The following LUC7L variants were observed in gnomAD, a reference collection of about 807,000 sequenced individuals.
The protein encoded by LUC7L is putative RNA-binding protein Luc7-like 1.
LUC7L carries 29 observed loss-of-function variants against 51.1 expected under a neutral mutation model. That is an observed-to-expected ratio of 0.57 (90% confidence interval 0.42 to 0.77). The LOEUF is 0.77. Ranked by LOEUF, LUC7L falls within the 30% of genes least tolerant of loss-of-function variation. The pLI is 0.00. For missense variants in LUC7L, 403 were observed against 511.9 expected (o/e 0.79, Z 2.05); for synonymous variants, 181 against 180.7 (o/e 1.00, Z -0.01).
At chr16:191,870 C>G (rs1567171440) in intron 7 of LUC7L, among the ~76,000 whole-genome samples, 1 of 152,124 alleles carries the variant, frequency 6.6e-6, no homozygotes, top group Non-Finnish European at 1.5e-5. Flanking sequence ...AACATTCGCC[C>G]TGAGTTATGC....
chr16:189,909 G>A (rs1430918219), intron 9 of LUC7L, 59 bp downstream of exon 9: 53 of 1,565,660 alleles, frequency 3.4e-5, no homozygotes, highest in Non-Finnish European at 4.0e-5. Flanking sequence ...AGCAGACCCT[G>A]GGAACACAGA....
chr16:229,025 G>T (rs1379768690), intron 1 of LUC7L: 1 of 1,434,426 alleles, frequency 7.0e-7, no homozygotes, highest in East Asian at 2.6e-5. Flanking sequence ...GTAGCAGGAC[G>T]GTACATAGGA....
intron 6 of LUC7L, among the ~76,000 whole-genome samples, chr16:198,405 TC>T (rs2049223002): frequency 6.6e-6 from 1 of 151,672 alleles, no homozygotes; most frequent in South Asian, 2.1e-4. Flanking sequence ...ACCCCGCCCT[TC>T]TGAGGTGGCT....
At chr16:227,198 A>C in intron 2 of LUC7L, 44 bp downstream of exon 2, 1 of 1,476,150 alleles carries the variant, frequency 6.8e-7, no homozygotes, top group Non-Finnish European at 9.4e-7. Flanking sequence ...CCTATACAGC[A>C]CTCATGTCAG....
rs146277883 is a variant in LUC7L at position 193,964 on chromosome 16, C to T, written c.688-949G>A. ...GATTACAGGCGCCCGGCACTGCGCC[C>T]GGCTAATTTTTTGTATTTTTAGTAG... On this transcript the variant is annotated intron_variant, in intron 6 of 9. Coordinates refer to ENST00000293872, the MANE Select transcript of LUC7L (RefSeq NM_201412.3). Among the ~76,000 whole-genome samples the T allele has an allele frequency of 8.0e-3, 1,218 of 151,986 alleles. 13 individuals carry two copies. The highest frequency in any genetic ancestry group is 0.025 in the African/African-American group (1,050 of 41,428).
rs567254331 is a variant in LUC7L, at chr16:189,880, C to T, written c.974+88G>A. 1.3e-4 allele frequency: 206 copies of T among 1,536,370 alleles called. 1 individual carries two copies. The highest frequency in any genetic ancestry group is 1.3e-3 in the Admixed American group (68 of 52,084). On this transcript the variant is annotated intron_variant, in intron 9 of 9. Coordinates refer to ENST00000293872, the MANE Select transcript of LUC7L (RefSeq NM_201412.3). ...TCCTGAGGGTGAGCCCAGCCCCATCCCCACCAGACACGGCCCTCAGCAGAC... is the reference window on the plus strand; with the variant it reads ...TCCTGAGGGTGAGCCCAGCCCCATCTCCACCAGACACGGCCCTCAGCAGAC...
At chr16:214,066 T>C (rs563569633) in intron 3 of LUC7L, among the ~76,000 whole-genome samples, 2 of 151,480 alleles carry the variant, frequency 1.3e-5, no homozygotes, top group African/African-American at 4.9e-5. Flanking sequence ...TGTGTTCTCA[T>C]GAGCAATTGT....
chr16:228,896 G>A, intron 1 of LUC7L: 1 of 1,335,760 alleles, frequency 7.5e-7, no homozygotes, highest in Non-Finnish European at 9.8e-7. Context: ...TTCCCAAGGA[G>A]CCTCGGAAGA....
chr16:221,074 C>T (rs1224365657), intron 2 of LUC7L, among the ~76,000 whole-genome samples: 9 of 151,950 alleles, frequency 5.9e-5, no homozygotes, highest in East Asian at 1.9e-4. Context: ...GGCTGGAGTA[C>T]AGTGGCGCGA....
At chr16:226,389 A>G (rs1047904004) in intron 2 of LUC7L, among the ~76,000 whole-genome samples, 3 of 152,232 alleles carry the variant, frequency 2.0e-5, no homozygotes, top group African/African-American at 7.2e-5. Flanking sequence ...TCAGTGGCGT[A>G]ATCACCACAG....
At chr16:227,173 G>A in intron 2 of LUC7L, 69 bp downstream of exon 2, 7 of 1,297,368 alleles carry the variant, frequency 5.4e-6, no homozygotes, top group African/African-American at 3.0e-5. Context: ...ATTCAACATA[G>A]AAAAACCGTC....
rs761953539 is a variant in LUC7L at position 190,079 on chromosome 16, C to T, written c.863G>A (p.Arg288Gln). ...RRSRSTSRER[R>Q]KLSRSRSRDR... The stretch of plus-strand genomic sequence containing the variant: ...TCGGGACCGGGACCGGGACAATTTC[C>T]GTCGCTCTCGGGAGGTAGATCTTGA... Residue 288 changes from arginine to glutamine, a missense_variant, in exon 9 of 10, where the codon CGG becomes CAG. This residue lies in a region of LUC7L where 206 missense variants were observed against 218.3 expected (regional missense o/e 0.94). Coordinates refer to ENST00000293872, the MANE Select transcript of LUC7L (RefSeq NM_201412.3). The T allele has an allele frequency of 6.8e-6, 11 of 1,613,288 alleles. No homozygotes were observed. The highest frequency in any genetic ancestry group is 6.8e-6 in the Non-Finnish European group (8 of 1,180,026).
chr16:190,226 C>T, intron 8 of LUC7L, 91 bp from the exon 9 acceptor site: 1 of 1,132,716 alleles, frequency 8.8e-7, no homozygotes, highest in African/African-American at 1.6e-5. Flanking sequence ...TGCTGCTTTA[C>T]TGACATTTTC....
In LUC7L at chr16:198,723, A is replaced by G. The variant is rs563385745; in HGVS notation, c.687+339T>C. Among the ~76,000 whole-genome samples, 3 of 152,006 alleles carry G rather than the reference A, an allele frequency of 2.0e-5. No homozygotes were observed. In the South Asian group the frequency reaches 6.2e-4, roughly 32 times the overall value. ...TTTTTTTGAGATGGAGTCTTACTCT[A>G]TAGCCCAGGCTGGAATGCAATGGCA... On this transcript the variant is annotated intron_variant, in intron 6 of 9. Coordinates refer to ENST00000293872, the MANE Select transcript of LUC7L (RefSeq NM_201412.3).
In LUC7L at chr16:208,155, A is replaced by G. The variant is rs1214200359; in HGVS notation, c.289T>C (p.Cys97Arg). 1 of 1,613,600 alleles carries G rather than the reference A, an allele frequency of 6.2e-7. No individual in the cohort carries two copies. Among genetic ancestry groups the G allele is most frequent in the Non-Finnish European group, 8.5e-7 (1 of 1,179,820 alleles). Residue 97 changes from cysteine (C) to arginine (R), a missense_variant, in exon 4 of 10, where the codon TGT (cysteine) becomes CGT (arginine). Cys to Arg is a radical substitution (Grantham distance 180). Around this residue, in one of 3 missense-constraint regions of LUC7L, gnomAD observed 182 missense variants for 248.4 expected, o/e 0.73. Transcript: ENST00000293872. ...TTGGCGAGCTCAGTTCTCCGATCAC[A>G]TTCAGCAATAAAGGACTCCAAGTGA... ...MDHLESFIAE[C>R]DRRTELAKKR...
Position 217,040 on chromosome 16 carries a change from T to G in LUC7L, c.255+3609A>C, listed in dbSNP as rs540506509. 9.9e-5 allele frequency among the ~76,000 whole-genome samples: 15 copies of G among 151,650 alleles called. No homozygotes were observed. In the South Asian group the frequency reaches 2.7e-3, roughly 27 times the overall value. Reference sequence around the variant, plus strand: ...TAGAATTTTTTTTTTTGAGACAGAGTTTCGCTCTGTCACCCAAGTAGAATA... The same window carrying G: ...TAGAATTTTTTTTTTTGAGACAGAGGTTCGCTCTGTCACCCAAGTAGAATA... On this transcript the variant is annotated intron_variant, in intron 3 of 9. Transcript: ENST00000293872.
chr16:189,644 A>T, intron 9 of LUC7L: 1 of 1,321,660 alleles, frequency 7.6e-7, no homozygotes, highest in Non-Finnish European at 9.6e-7. Flanking sequence ...AAAAAAAAAT[A>T]TCAAAAACAA....
intron 3 of LUC7L, among the ~76,000 whole-genome samples, chr16:214,420 T>A (rs1179805780): frequency 6.6e-6 from 1 of 152,160 alleles, no homozygotes; most frequent in African/African-American, 2.4e-5. Flanking sequence ...AAGGGCAGAG[T>A]CTATCATATA....
At chr16:197,207 CTTTTTTTTTT>C (rs754309530) in intron 6 of LUC7L, among the ~76,000 whole-genome samples, 2 of 80,380 alleles carry the variant, frequency 2.5e-5, no homozygotes, top group South Asian at 4.0e-4. Flanking sequence ...TGCACCCAGC[CTTTTTTTTTT>C]TTTTTTTTTT....
Sources: gnomAD v4.1 joint callset for allele counts (sites outside exome capture counted in the v4.1 genomes callset) on GRCh38, gnomAD v4.1.1 for gene constraint, gnomAD v4.1.1 regional missense constraint, MANE v1.5 for transcripts, NCBI Gene and HGNC (gene_info 2026-07-23, HGNC 2026-07-21) for gene names.